Variants in SEMA3A observed in about 807,000 individuals in gnomAD.
The protein encoded by SEMA3A is semaphorin 3A.
A neutral mutation model predicts 97.9 loss-of-function variants in SEMA3A; 29 were observed. The ratio of observed to expected loss-of-function variants is 0.30; its 90% confidence interval spans 0.22 to 0.40. SEMA3A has a LOEUF of 0.40. Among genes scored for constraint, SEMA3A ranks in the 10% least tolerant of loss-of-function variants. The probability of loss-of-function intolerance (pLI) is 1.00; values close to 1 mark genes in which losing one functional copy is unlikely to be tolerated. For synonymous variants in SEMA3A, 321 were observed against 323.7 expected, an observed-to-expected ratio of 0.99 and a Z score of 0.09; for missense variants, 763 against 951.3, an observed-to-expected ratio of 0.80 and a Z score of 2.60.
intron 1 of SEMA3A, among the ~76,000 whole-genome samples, chr7:84,471,904 C>T (rs1806162280): frequency 6.6e-6 from 1 of 151,444 alleles, no homozygotes; most frequent in African/African-American, 2.4e-5. Flanking sequence ...ATTAGTGGAT[C>T]TTCAAATCAT....
intron 1 of SEMA3A, among the ~76,000 whole-genome samples, chr7:84,413,201 T>G (rs1804321902): frequency 2.0e-5 from 3 of 152,178 alleles, no homozygotes; most frequent in Admixed American, 2.0e-4. Context: ...GTATTATATG[T>G]GTAGAATAAT....
chr7:84,433,405 C>T (rs1292431228), intron 1 of SEMA3A, among the ~76,000 whole-genome samples: 1 of 151,990 alleles, frequency 6.6e-6, no homozygotes, highest in Non-Finnish European at 1.5e-5. Flanking sequence ...AAGACATGAA[C>T]TCATCCTTTT....
At chr7:84,052,600 CT>C (rs1247318154) in intron 5 of SEMA3A, among the ~76,000 whole-genome samples, 1 of 151,974 alleles carries the variant, frequency 6.6e-6, no homozygotes, top group East Asian at 1.9e-4. Context: ...ATTCTTCTCT[CT>C]TTTTTTCTTT....
At chr7:84,322,951 AT>A (rs1365717821) in intron 2 of SEMA3A, among the ~76,000 whole-genome samples, 1 of 151,098 alleles carries the variant, frequency 6.6e-6, no homozygotes, top group African/African-American at 2.5e-5. Flanking sequence ...CACTGCCTAG[AT>A]TGGAAACTTG....
chr7:84,266,227 A>G (rs1196279837), intron 3 of SEMA3A, among the ~76,000 whole-genome samples: 1 of 148,580 alleles, frequency 6.7e-6, no homozygotes, highest in Non-Finnish European at 1.5e-5. Flanking sequence ...AAGCTGAGGC[A>G]GGAGAATTGC....
At chr7:84,312,917 T>C (rs992188983) in intron 2 of SEMA3A, among the ~76,000 whole-genome samples, 3,352 of 37,634 alleles carry the variant, frequency 0.089, 237 homozygotes, top group Non-Finnish European at 0.12. Context: ...TATATATATA[T>C]ATATACACAC....
At chr7:84,318,317 G>GTTTTTTTTTTTTTTT (rs71522699) in intron 2 of SEMA3A, among the ~76,000 whole-genome samples, 1 of 97,798 alleles carries the variant, frequency 1.0e-5, no homozygotes, top group Non-Finnish European at 2.0e-5. Context: ...TGATTTCTTG[G>GTTTTTTTTTTTTTTT]TTTTTTTTTT....
chr7:84,226,070 G>A (rs1208204390), intron 3 of SEMA3A, among the ~76,000 whole-genome samples: 4 of 152,064 alleles, frequency 2.6e-5, no homozygotes, highest in Non-Finnish European at 5.9e-5. Context: ...GTGTAAGAGC[G>A]TTTGGAAAGA....
intron 3 of SEMA3A, chr7:84,307,116 A>T (rs919052991): frequency 6.6e-6 from 1 of 152,122 alleles, no homozygotes; most frequent in African/African-American, 2.4e-5. Context: ...AAATTATCTT[A>T]TAAATTATAT....
intron 3 of SEMA3A, among the ~76,000 whole-genome samples, chr7:84,214,152 TAA>T (rs904740153): frequency 1.1e-4 from 17 of 152,210 alleles, no homozygotes; most frequent in African/African-American, 3.6e-4. Flanking sequence ...TTTTGTACAA[TAA>T]GTTTAATCTC....
intron 4 of SEMA3A, among the ~76,000 whole-genome samples, chr7:84,085,374 C>A (rs1331894599): frequency 2.0e-5 from 3 of 150,534 alleles, no homozygotes; most frequent in African/African-American, 4.9e-5. Context: ...TTGAAACTGA[C>A]CATAAAATCG....
At chr7:84,357,626 T>C (rs1802599152) in intron 2 of SEMA3A, among the ~76,000 whole-genome samples, 1 of 152,062 alleles carries the variant, frequency 6.6e-6, no homozygotes, top group African/African-American at 2.4e-5. Context: ...AGCAGCATGA[T>C]TTATAATCCT....
intron 1 of SEMA3A, among the ~76,000 whole-genome samples, chr7:84,153,199 T>C (rs1171215714): frequency 6.6e-6 from 1 of 152,140 alleles, no homozygotes; most frequent in Non-Finnish European, 1.5e-5. Context: ...GTGATATTGC[T>C]ATGAAAGTCT....
intron 3 of SEMA3A, among the ~76,000 whole-genome samples, chr7:84,111,625 G>A (rs1192703395): frequency 6.6e-6 from 1 of 152,072 alleles, no homozygotes; most frequent in Non-Finnish European, 1.5e-5. Context: ...CCCTAAAAAT[G>A]AATGTGGCCT....
rs1021643149 is a variant in SEMA3A, at chr7:84,269,562, C to T, written c.-83+37645G>A. Reference sequence around the variant, plus strand: ...AGGGGAATTGTATAAGATAAAACAGCTAATTGATGGCAGAGCACATATGAA... The same window carrying T: ...AGGGGAATTGTATAAGATAAAACAGTTAATTGATGGCAGAGCACATATGAA... On this transcript the variant is annotated intron_variant, in intron 3 of 3. Transcript: ENST00000424555. 2.6e-5 allele frequency among the ~76,000 whole-genome samples: 4 copies of T among 152,056 alleles called. No homozygotes were observed. In the East Asian group the frequency reaches 7.7e-4, roughly 29 times the overall value.
chr7:83,983,818 T>A (rs1789518373), intron 13 of SEMA3A, among the ~76,000 whole-genome samples: 1 of 152,166 alleles, frequency 6.6e-6, no homozygotes, highest in Non-Finnish European at 1.5e-5. Context: ...ACAGGCTTTC[T>A]CACTATCCTC....
At chr7:83,996,300 CTTT>C (rs35148121) in intron 12 of SEMA3A, among the ~76,000 whole-genome samples, 12 of 111,966 alleles carry the variant, frequency 1.1e-4, no homozygotes, top group Admixed American at 2.0e-4. Context: ...TACTAGTAAT[CTTT>C]TTTTTTTTTT....
chr7:84,309,908 G>A (rs1209245809), intron 2 of SEMA3A, among the ~76,000 whole-genome samples: 3 of 152,132 alleles, frequency 2.0e-5, no homozygotes, highest in Non-Finnish European at 4.4e-5. Flanking sequence ...AGAGAAATAT[G>A]AAGATGTAAA....
intron 2 of SEMA3A, among the ~76,000 whole-genome samples, chr7:84,323,991 A>G (rs1416249019): frequency 2.0e-5 from 3 of 152,206 alleles, no homozygotes; most frequent in Non-Finnish European, 1.5e-5. Context: ...GGTTTACAAT[A>G]AAGTGTTTGA....
Sources: gnomAD v4.1 joint callset for allele counts (sites outside exome capture counted in the v4.1 genomes callset) on GRCh38, gnomAD v4.1.1 for gene constraint, MANE v1.5 for transcripts, NCBI Gene and HGNC (gene_info 2026-07-23, HGNC 2026-07-21) for gene names.